LOC128071547: variants seen among roughly 807,000 people sequenced by gnomAD.
chr12:120,534,869 G>C, the LOC128071547 span: 2 of 1,608,292 alleles, frequency 1.2e-6, no homozygotes, highest in Non-Finnish European at 1.7e-6. Context: ...CAAGAACAGC[G>C]GCTCCAACAG....
the LOC128071547 span, chr12:120,534,789 C>G: frequency 6.5e-7 from 1 of 1,547,418 alleles, no homozygotes; most frequent in South Asian, 1.2e-5. Context: ...CTCCGACTGC[C>G]GTCGCCGCCG....
chr12:120,534,830 A>T, the LOC128071547 span: 10 of 1,593,670 alleles, frequency 6.3e-6, no homozygotes, highest in Admixed American at 1.7e-4. Context: ...GAGCTCCCCC[A>T]ACGCCGCCGC....
At chr12:120,534,850 C>T in the LOC128071547 span, 2 of 1,606,280 alleles carry the variant, frequency 1.2e-6, no homozygotes, top group Non-Finnish European at 8.5e-7. Flanking sequence ...CCACCGCCTC[C>T]GACATGGACA....
chr12:120,534,926 T>A, the LOC128071547 span: 3 of 1,605,412 alleles, frequency 1.9e-6, no homozygotes, highest in South Asian at 2.2e-5. Context: ...GCCGCCCCGC[T>A]CCGCCTCGGC....
At chr12:120,534,776 C>T in the LOC128071547 span, 7 of 1,536,136 alleles carry the variant, frequency 4.6e-6, no homozygotes, top group South Asian at 1.2e-5. Context: ...CGCGCCCGCT[C>T]CGCTCCGACT....
At chr12:120,534,930 C>T in the LOC128071547 span, 6 of 1,604,742 alleles carry the variant, frequency 3.7e-6, no homozygotes, top group African/African-American at 2.7e-5. Context: ...CCCCGCTCCG[C>T]CTCGGCGGGG....
the LOC128071547 span, chr12:120,534,802 GC>G: frequency 6.4e-7 from 1 of 1,562,700 alleles, no homozygotes. Flanking sequence ...CGCCGCCGAG[GC>G]CCCCGTTGAT....
At chr12:120,534,785 C>T in the LOC128071547 span, 1 of 1,544,538 alleles carries the variant, frequency 6.5e-7, no homozygotes, top group Non-Finnish European at 8.7e-7. Context: ...TCCGCTCCGA[C>T]TGCCGTCGCC....
chr12:120,534,783 G>C, the LOC128071547 span: 20 of 1,542,472 alleles, frequency 1.3e-5, no homozygotes, highest in Admixed American at 4.0e-5. Flanking sequence ...GCTCCGCTCC[G>C]ACTGCCGTCG....
chr12:120,534,917 C>A, the LOC128071547 span: 1 of 1,605,934 alleles, frequency 6.2e-7, no homozygotes, highest in South Asian at 1.1e-5. Flanking sequence ...AGGGCAACAG[C>A]CGCCCCGCTC....
chr12:120,534,782 C>T, the LOC128071547 span: 1 of 1,541,748 alleles, frequency 6.5e-7, no homozygotes, highest in Non-Finnish European at 8.7e-7. Flanking sequence ...CGCTCCGCTC[C>T]GACTGCCGTC....
the LOC128071547 span, chr12:120,534,766 C>T: frequency 1.3e-6 from 2 of 1,521,018 alleles, no homozygotes; most frequent in South Asian, 2.4e-5. Flanking sequence ...GGGTCCCCGC[C>T]GCGCCCGCTC....
chr12:120,534,943 A>C, the LOC128071547 span: 3 of 1,601,672 alleles, frequency 1.9e-6, no homozygotes, highest in African/African-American at 1.3e-5. Context: ...CGGCGGGGCC[A>C]GCCGGCGAGT....
At chr12:120,534,874 C>T in the LOC128071547 span, 47 of 1,608,492 alleles carry the variant, frequency 2.9e-5, no homozygotes, top group Non-Finnish European at 1.7e-6. Context: ...ACAGCGGCTC[C>T]AACAGCTCCT....
At chr12:120,534,708 G>A in the LOC128071547 span, 3 of 1,402,862 alleles carry the variant, frequency 2.1e-6, no homozygotes, top group South Asian at 1.6e-5. Flanking sequence ...TGAAGGCCGA[G>A]AACCGCTGCC....
chr12:120,534,882 C>T, the LOC128071547 span: 3 of 1,608,586 alleles, frequency 1.9e-6, no homozygotes, highest in African/African-American at 1.3e-5. Flanking sequence ...TCCAACAGCT[C>T]CTCCGCCTCT....
At chr12:120,534,829 C>G in the LOC128071547 span, 1 of 1,593,524 alleles carries the variant, frequency 6.3e-7, no homozygotes, top group Non-Finnish European at 8.5e-7. Context: ...TGAGCTCCCC[C>G]AACGCCGCCG....
the LOC128071547 span, chr12:120,534,868 C>T: frequency 7.5e-6 from 12 of 1,608,074 alleles, no homozygotes; most frequent in Non-Finnish European, 1.0e-5. Context: ...ACAAGAACAG[C>T]GGCTCCAACA....
chr12:120,534,829 C>T, the LOC128071547 span: 1 of 1,593,524 alleles, frequency 6.3e-7, no homozygotes. Context: ...TGAGCTCCCC[C>T]AACGCCGCCG....
Sources: gnomAD v4.1 joint callset for allele counts on GRCh38, gnomAD v4.1.1 for gene constraint, MANE v1.5 for transcripts.